The following ANKS1B variants were observed in gnomAD, a reference collection of about 807,000 sequenced individuals.
ANKS1B encodes the protein ankyrin repeat and sterile alpha motif domain-containing protein 1B.
Under a neutral mutation model 148.3 loss-of-function variants are expected in ANKS1B, and 36 were observed. The ratio of observed to expected loss-of-function variants is 0.24; its 90% confidence interval spans 0.19 to 0.32. The LOEUF is 0.32. ANKS1B is among the 10% of genes least tolerant of loss of function. The pLI, the probability that ANKS1B is intolerant of heterozygous loss-of-function variation, is 1.00. For missense variants in ANKS1B, 1,157 were observed against 1,542.6 expected (o/e 0.75, Z 4.19); for synonymous variants, 542 against 560.8 (o/e 0.97, Z 0.47).
chr12:99,660,550 A>G (rs1311952553), intron 8 of ANKS1B, among the ~76,000 whole-genome samples: 1 of 151,464 alleles, frequency 6.6e-6, no homozygotes, highest in African/African-American at 2.4e-5. Flanking sequence ...TTTAGTAGAG[A>G]TGGGGTTTCA....
intron 1 of ANKS1B, among the ~76,000 whole-genome samples, chr12:99,945,328 C>T (rs2095033386): frequency 7.2e-6 from 1 of 139,652 alleles, no homozygotes; most frequent in African/African-American, 2.7e-5. Context: ...GAAGTAGGAA[C>T]AAGCTTGGCG....
At chr12:98,907,937 T>A (rs577787907) in intron 17 of ANKS1B, among the ~76,000 whole-genome samples, 6 of 152,310 alleles carry the variant, frequency 3.9e-5, no homozygotes, top group African/African-American at 7.2e-5. Flanking sequence ...GCCAGGATTG[T>A]GAGGCCTCCC....
At chr12:98,975,550 G>C (rs1323557527) in intron 17 of ANKS1B, among the ~76,000 whole-genome samples, 1 of 152,140 alleles carries the variant, frequency 6.6e-6, no homozygotes, top group Non-Finnish European at 1.5e-5. Context: ...ACTTCCTAGT[G>C]GGGGAGACAG....
At position 98,829,080 on chromosome 12, in the gene ANKS1B, C is replaced by T. The variant is rs887242146; in HGVS notation, c.3066+94G>A. 1.4e-5 allele frequency: 20 copies of T among 1,414,540 alleles called. No homozygotes were observed. The highest frequency in any genetic ancestry group is 2.1e-4 in the Middle Eastern group (1 of 4,852). The allele number at this position is 1,414,540 out of a possible 1,614,324, so 87.6% of individuals were successfully genotyped here. A position where few individuals can be genotyped will look rare whatever the true frequency, so the allele number is the denominator to read the frequency against. ...ACATGGTATAAATTCTAGTTAGGCA[C>T]GGACAATAAGCATCCATAGGAAGCT... is the stretch of plus-strand genomic sequence containing the variant. On this transcript the variant is annotated intron_variant, in intron 19 of 26. Transcript: ENST00000683438. The surrounding 1 kb of genome is among the most constrained non-coding windows in gnomAD (Gnocchi z 5.2).
At chr12:99,541,289 C>T (rs1486460696) in intron 9 of ANKS1B, among the ~76,000 whole-genome samples, 2 of 152,060 alleles carry the variant, frequency 1.3e-5, no homozygotes, top group Non-Finnish European at 2.9e-5. Flanking sequence ...TTTTAGGAAT[C>T]TTGTATTACA....
intron 17 of ANKS1B, among the ~76,000 whole-genome samples, chr12:98,981,814 A>G (rs569003923): frequency 6.6e-6 from 1 of 152,252 alleles, no homozygotes; most frequent in Admixed American, 6.5e-5. Context: ...TTAATGTCAA[A>G]TGTAATATGA....
intron 9 of ANKS1B, among the ~76,000 whole-genome samples, chr12:99,610,188 C>G (rs764258150): frequency 1.2e-4 from 18 of 151,962 alleles, no homozygotes; most frequent in Non-Finnish European, 2.1e-4. Context: ...GCCCACAGAC[C>G]CAAGAGGAAA....
intron 12 of ANKS1B, among the ~76,000 whole-genome samples, chr12:99,252,910 G>A (rs1483485653): frequency 6.6e-6 from 1 of 152,138 alleles, no homozygotes; most frequent in South Asian, 2.1e-4. Context: ...AGATGTGAGG[G>A]AGAAAAACAT....
intron 17 of ANKS1B, among the ~76,000 whole-genome samples, chr12:98,937,613 G>C (rs2099819993): frequency 6.6e-6 from 1 of 152,030 alleles, no homozygotes; most frequent in Non-Finnish European, 1.5e-5. Context: ...GCCCTTTCCT[G>C]AACCTCTCAG....
At chr12:98,754,511 A>G (rs1169836009) in intron 25 of ANKS1B, among the ~76,000 whole-genome samples, 1 of 152,216 alleles carries the variant, frequency 6.6e-6, no homozygotes, top group African/African-American at 2.4e-5. Context: ...TGTTGGGGAC[A>G]TGTACCAGAT....
intron 9 of ANKS1B, among the ~76,000 whole-genome samples, chr12:99,556,224 G>A (rs151103486): frequency 4.6e-5 from 7 of 152,304 alleles, no homozygotes; most frequent in African/African-American, 1.7e-4. Flanking sequence ...ATGCAGAGGT[G>A]TTGATAATAG....
chr12:99,334,107 C>T (rs1392981039), intron 12 of ANKS1B, among the ~76,000 whole-genome samples: 1 of 151,512 alleles, frequency 6.6e-6, no homozygotes, highest in South Asian at 2.1e-4. Context: ...TACAGAATTC[C>T]AAACAGCCAT....
intron 17 of ANKS1B, among the ~76,000 whole-genome samples, chr12:98,967,751 TA>T (rs544792811): frequency 0.045 from 3,625 of 81,342 alleles, 89 homozygotes; most frequent in South Asian, 0.096. Context: ...CAGACAAATC[TA>T]AAAAAAAAAA....
chr12:99,873,447 C>A (rs2091751056), intron 1 of ANKS1B, among the ~76,000 whole-genome samples: 1 of 152,142 alleles, frequency 6.6e-6, no homozygotes, highest in Non-Finnish European at 1.5e-5. Context: ...AGTTTAACTG[C>A]TCCATAGATC....
chr12:99,416,816 G>T (rs115687971), intron 11 of ANKS1B, among the ~76,000 whole-genome samples: 2,279 of 152,172 alleles, frequency 0.015, 74 homozygotes, highest in African/African-American at 0.052. Flanking sequence ...TCTTAATAGG[G>T]TTTTTCACAG....
At chr12:99,789,653 T>C (rs2065401540) in intron 4 of ANKS1B, among the ~76,000 whole-genome samples, 1 of 151,098 alleles carries the variant, frequency 6.6e-6, no homozygotes, top group Non-Finnish European at 1.5e-5. Flanking sequence ...GAGTTGAAAA[T>C]TGCAATTGAT....
At chr12:99,051,832 T>C (rs916989998) in intron 17 of ANKS1B, among the ~76,000 whole-genome samples, 8 of 152,250 alleles carry the variant, frequency 5.3e-5, no homozygotes, top group African/African-American at 1.9e-4. Context: ...CATTATTTTT[T>C]CAGAAAGACT....
intron 8 of ANKS1B, among the ~76,000 whole-genome samples, chr12:99,718,265 G>C (rs1208980867): frequency 6.6e-6 from 1 of 152,102 alleles, no homozygotes; most frequent in East Asian, 1.9e-4. Context: ...ATTAGGCCGA[G>C]ACATTTAACT....
At chr12:98,904,420 C>A (rs981909267) in intron 17 of ANKS1B, among the ~76,000 whole-genome samples, 3 of 152,186 alleles carry the variant, frequency 2.0e-5, no homozygotes, top group Non-Finnish European at 4.4e-5. Context: ...CACATGATAG[C>A]TCTACAAATT....
Sources: allele counts gnomAD v4.1 joint callset (sites outside exome capture counted in the v4.1 genomes callset), GRCh38; gene constraint gnomAD v4.1.1; non-coding constraint Gnocchi (gnomAD v3.1); transcripts MANE v1.5; gene names NCBI Gene and HGNC (gene_info 2026-07-23, HGNC 2026-07-21).